ANKEF1: variants seen among roughly 807,000 people sequenced by gnomAD.
ANKEF1 encodes ankyrin repeat and EF-hand domain containing 1, also known as ankyrin repeat and EF-hand domain-containing protein 1.
A neutral mutation model predicts 65.1 loss-of-function variants in ANKEF1; 43 were observed. That is an observed-to-expected ratio of 0.66 (90% CI 0.52 to 0.85). ANKEF1 has a LOEUF of 0.85. Ranked by LOEUF, ANKEF1 falls within the 40% of genes least tolerant of loss-of-function variation. ANKEF1 has a pLI of 0.00. For missense variants in ANKEF1, 934 were observed against 952.9 expected (o/e 0.98, Z 0.26); for synonymous variants, 316 against 341.5 (o/e 0.93, Z 0.82).
Position 10,053,100 on chromosome 20 carries a change from A to AT in ANKEF1, c.1871-11dup, listed in dbSNP as rs761775466. 6.4e-7 allele frequency: 1 copy of AT among 1,569,272 alleles called. No homozygotes were observed. Among genetic ancestry groups the AT allele is most frequent in the East Asian group, 2.2e-5 (1 of 44,622 alleles). ...TTATAGTCACTCTGAATTTATGTTT[A>AT]TGTTTCAACAGGGCATAGTGCCATG... On this transcript the variant is annotated splice_polypyrimidine_tract_variant and intron_variant, in intron 8 of 10. Coordinates refer to ENST00000378392, the MANE Select transcript of ANKEF1 (RefSeq NM_022096.6).
At chr20:10,042,040 C>T (rs1300863500) in intron 3 of ANKEF1, among the ~76,000 whole-genome samples, 1 of 152,122 alleles carries the variant, frequency 6.6e-6, no homozygotes. Flanking sequence ...GACTTTTCCC[C>T]TTCATGGATT....
At chr20:10,037,510 G>A (rs512313) in intron 2 of ANKEF1, among the ~76,000 whole-genome samples, 5 of 152,044 alleles carry the variant, frequency 3.3e-5, no homozygotes, top group South Asian at 2.1e-4. Context: ...GGCCACAGAC[G>A]CTTTCCTCTG....
chr20:10,053,000 G>C, intron 8 of ANKEF1, 112 bp from the exon 9 acceptor site: 1 of 1,083,126 alleles, frequency 9.2e-7, no homozygotes, highest in Non-Finnish European at 1.3e-6. Flanking sequence ...CCTTGCTTTA[G>C]GAATCACCCT....
chr20:10,039,527 C>CA (rs2122223744), intron 3 of ANKEF1, among the ~76,000 whole-genome samples: 2 of 152,226 alleles, frequency 1.3e-5, no homozygotes, highest in East Asian at 3.9e-4. Context: ...TGATTACTTG[C>CA]TTAGAACAAA....
chr20:10,037,524 G>C (rs1020296836), intron 2 of ANKEF1, among the ~76,000 whole-genome samples: 1 of 152,188 alleles, frequency 6.6e-6, no homozygotes, highest in African/African-American at 2.4e-5. Flanking sequence ...TCCTCTGGCA[G>C]GGGACAGAAG....
chr20:10,049,332 C>CT, intron 6 of ANKEF1, 58 bp from the exon 7 acceptor site: 1 of 1,472,772 alleles, frequency 6.8e-7, no homozygotes, highest in Non-Finnish European at 9.2e-7. Flanking sequence ...ATGAGTGTCA[C>CT]TTATAGCCAT....
chr20:10,047,901 A>G (rs1043835153), intron 6 of ANKEF1, among the ~76,000 whole-genome samples: 1 of 152,238 alleles, frequency 6.6e-6, no homozygotes, highest in African/African-American at 2.4e-5. Flanking sequence ...ACTAGGATTA[A>G]GCTGGAAGCT....
At position 10,049,862 on chromosome 20, in the gene ANKEF1, A is replaced by G. The variant is rs762718669; in HGVS notation, c.1293A>G (p.Leu431=). 69 of 1,613,992 alleles carry G rather than the reference A, an allele frequency of 4.3e-5. No homozygotes were observed. The highest frequency in any genetic ancestry group is 2.3e-5 in the Non-Finnish European group (27 of 1,180,012). ...GKKGKKGKFV[L]PLPICVIPEY... ...AAGGAAAGAAAGGGAAATTTGTCTT[A>G]CCCCTTCCAATCTGTGTCATTCCTG... The change falls in exon 7 of 11, where the codon TTA becomes TTG. Residue 431 remains leucine, a synonymous_variant. Transcript: ENST00000378392.
chr20:10,049,178 C>A (rs118012679), intron 6 of ANKEF1, among the ~76,000 whole-genome samples: 1 of 152,036 alleles, frequency 6.6e-6, no homozygotes, highest in African/African-American at 2.4e-5. Flanking sequence ...GTATCTTCTT[C>A]AGAATTCACC....
In ANKEF1 at chr20:10,049,804, G is replaced by C. The variant is rs524625; in HGVS notation, c.1235G>C (p.Gly412Ala). The C allele has an allele frequency of 2.5e-6, 4 of 1,613,798 alleles. No individual in the cohort carries two copies. The highest frequency in any genetic ancestry group is 2.7e-5 in the African/African-American group (2 of 74,828). Residue 412 changes from glycine (G) to alanine (A), a missense_variant, in exon 7 of 11, where the codon GGA (glycine) becomes GCA (alanine). Coordinates refer to ENST00000378392, the MANE Select transcript of ANKEF1 (RefSeq NM_022096.6). The part of the protein sequence containing the change: ...LNKSFVLGSY[G>A]PKKKEKGMGK... ...AAGTCTTTTGTCTTAGGATCGTATG[G>C]ACCTAAGAAAAAGGAAAAAGGGATG...
At chr20:10,042,775 C>A (rs1984267278) in intron 3 of ANKEF1, among the ~76,000 whole-genome samples, 1 of 152,130 alleles carries the variant, frequency 6.6e-6, no homozygotes, top group African/African-American at 2.4e-5. Context: ...TTACCAGTAG[C>A]CCTTTGGCAC....
In ANKEF1 at chr20:10,049,760, AG is replaced by A. The variant is rs1984737629; in HGVS notation, c.1193del (p.Gly398GlufsTer5). On this transcript the variant is annotated frameshift_variant, in exon 7 of 11. Coordinates refer to ENST00000378392, the MANE Select transcript of ANKEF1 (RefSeq NM_022096.6). LOFTEE classifies it high-confidence loss of function. ...GGVNINEFFK[G>X]TRYLNKSFVL... ...GGGTCAATATTAATGAATTCTTTAA[AG>A]GAACCAGATATTTAAACAAGTCTTT... The A allele has an allele frequency of 6.2e-7, 1 of 1,614,168 alleles. No individual in the cohort carries two copies. The highest frequency in any genetic ancestry group is 1.6e-4 in the Middle Eastern group (1 of 6,062).
At chr20:10,048,103 A>C (rs1222676240) in intron 6 of ANKEF1, among the ~76,000 whole-genome samples, 1 of 152,174 alleles carries the variant, frequency 6.6e-6, no homozygotes, top group African/African-American at 2.4e-5. Flanking sequence ...ATGGAATTAC[A>C]CTATAGAGTC....
At chr20:10,040,952 ATCTTT>A (rs1022806957) in intron 3 of ANKEF1, among the ~76,000 whole-genome samples, 1 of 146,780 alleles carries the variant, frequency 6.8e-6, no homozygotes, top group Non-Finnish European at 1.5e-5. Flanking sequence ...AACCTTGACA[ATCTTT>A]TCTTTTTTTT....
intron 3 of ANKEF1, among the ~76,000 whole-genome samples, chr20:10,039,847 A>C (rs1984068384): frequency 6.6e-6 from 1 of 152,118 alleles, no homozygotes. Flanking sequence ...ACCACAAAAT[A>C]ATTTTTTTTA....
rs937816950 is a variant in ANKEF1 at position 10,043,155 on chromosome 20, G to A, written c.380G>A (p.Arg127Gln). The A allele has an allele frequency of 6.8e-6, 11 of 1,613,892 alleles. No homozygotes were observed. The highest frequency in any genetic ancestry group is 4.5e-5 in the East Asian group (2 of 44,890). ...TTTTACTGCATTTTACCGACTAAGC[G>A]GCATTATCGCTGTGCTCTGATCGCC... ...VLFYCILPTK[R>Q]HYRCALIALE... The change falls in exon 4 of 11, where the codon CGG becomes CAG. Residue 127 changes from arginine (R) to glutamine (Q), a missense_variant. Transcript: ENST00000378392.
chr20:10,050,349 G>A, intron 7 of ANKEF1, 137 bp downstream of exon 7: 1 of 631,868 alleles, frequency 1.6e-6, no homozygotes, highest in South Asian at 2.6e-5. Flanking sequence ...ATATATAAAA[G>A]CCTTTTATTA....
Position 10,049,466 on chromosome 20 carries a change from A to C in ANKEF1, c.897A>C (p.Ala299=). 6.2e-7 allele frequency: 1 copy of C among 1,614,218 alleles called. No individual in the cohort carries two copies. The highest frequency in any genetic ancestry group is 8.5e-7 in the Non-Finnish European group (1 of 1,180,022). ...CTAAGGAAGGCGGCTTCAAAGCAGC[A>C]AGCAAAGAAATACGCCGAGCAGAGA... ...AVAKEGGFKA[A]SKEIRRAERI... is the part of the protein sequence containing the mutation. Residue 299 remains alanine, a synonymous_variant, in exon 7 of 11, where the codon GCA becomes GCC. Coordinates refer to ENST00000378392, the MANE Select transcript of ANKEF1 (RefSeq NM_022096.6).
At chr20:10,052,518 CCT>C (rs1376114700) in intron 8 of ANKEF1, among the ~76,000 whole-genome samples, 1 of 152,134 alleles carries the variant, frequency 6.6e-6, no homozygotes, top group African/African-American at 2.4e-5. Flanking sequence ...TATTTGAGCT[CCT>C]TGTTTGGAAG....
Sources: allele counts gnomAD v4.1 joint callset (sites outside exome capture counted in the v4.1 genomes callset), GRCh38; gene constraint gnomAD v4.1.1; transcripts MANE v1.5; gene names NCBI Gene and HGNC (gene_info 2026-07-23, HGNC 2026-07-21).